GALNTL6: variants seen among roughly 807,000 people sequenced by gnomAD.
GALNTL6 encodes the protein polypeptide N-acetylgalactosaminyltransferase-like 6.
In GALNTL6, 46 loss-of-function variants were observed where a neutral mutation model predicts 73.7. The ratio of observed to expected loss-of-function variants is 0.62; its 90% CI spans 0.49 to 0.80. The LOEUF is 0.80. GALNTL6 is among the 30% of genes least tolerant of loss of function. The pLI is 0.00. For missense variants in GALNTL6, 604 were observed against 755.0 expected (o/e 0.80, Z 2.34); for synonymous variants, 259 against 263.7 (o/e 0.98, Z 0.17).
At chr4:171,849,731 C>A (rs1360479971) in intron 2 of GALNTL6, among the ~76,000 whole-genome samples, 2 of 151,872 alleles carry the variant, frequency 1.3e-5, no homozygotes, top group African/African-American at 4.8e-5. Context: ...TTTATTTTTT[C>A]TCGTAAAGGA....
intron 2 of GALNTL6, among the ~76,000 whole-genome samples, chr4:172,097,612 G>A (rs1379788177): frequency 6.6e-6 from 1 of 152,084 alleles, no homozygotes; most frequent in Non-Finnish European, 1.5e-5. Context: ...TTAGAACCAT[G>A]AAAATTAAAG....
intron 5 of GALNTL6, among the ~76,000 whole-genome samples, chr4:172,631,655 G>A (rs774763985): frequency 1.3e-5 from 2 of 152,068 alleles, no homozygotes; most frequent in Non-Finnish European, 1.5e-5. Flanking sequence ...TATTATTCTT[G>A]TAAAACTCAT....
At chr4:172,340,479 T>C (rs333414) in intron 4 of GALNTL6, among the ~76,000 whole-genome samples, 24,920 of 152,126 alleles carry the variant, frequency 0.16, 2,133 homozygotes, top group East Asian at 0.36. Context: ...TTTGCCCATC[T>C]TTGACATCAG....
chr4:172,402,140 C>T (rs1162913710), intron 5 of GALNTL6, among the ~76,000 whole-genome samples: 1 of 152,074 alleles, frequency 6.6e-6, no homozygotes, highest in Non-Finnish European at 1.5e-5. Flanking sequence ...TATTTCATTT[C>T]AGGCCTTAGG....
At chr4:172,486,411 G>A (rs1733668752) in intron 5 of GALNTL6, among the ~76,000 whole-genome samples, 1 of 152,150 alleles carries the variant, frequency 6.6e-6, no homozygotes, top group African/African-American at 2.4e-5. Context: ...GCTGAAATAT[G>A]TTTGGGTATA....
intron 2 of GALNTL6, among the ~76,000 whole-genome samples, chr4:171,972,892 A>T (rs1452545770): frequency 6.6e-6 from 1 of 152,192 alleles, no homozygotes; most frequent in Non-Finnish European, 1.5e-5. Flanking sequence ...ATTTATCTGA[A>T]TTACTAAATA....
intron 5 of GALNTL6, among the ~76,000 whole-genome samples, chr4:172,760,543 C>T (rs996651617): frequency 5.3e-5 from 8 of 152,196 alleles, no homozygotes; most frequent in Admixed American, 4.6e-4. Context: ...TTCTGCTAAG[C>T]AGAGTTGTTT....
chr4:172,807,816 GTTTGTT>G (rs547191021), intron 5 of GALNTL6, among the ~76,000 whole-genome samples: 1 of 152,178 alleles, frequency 6.6e-6, no homozygotes, highest in East Asian at 1.9e-4. Flanking sequence ...GTATTTGTTT[GTTTGTT>G]TTTGTTTTTG....
At chr4:171,960,878 C>T (rs1183393031) in intron 2 of GALNTL6, among the ~76,000 whole-genome samples, 4 of 151,742 alleles carry the variant, frequency 2.6e-5, no homozygotes, top group African/African-American at 9.7e-5. Flanking sequence ...TAGTCTCTTT[C>T]ATTGTCACTA....
At chr4:172,556,203 A>G (rs1736136185) in intron 5 of GALNTL6, among the ~76,000 whole-genome samples, 1 of 152,096 alleles carries the variant, frequency 6.6e-6, no homozygotes, top group Admixed American at 6.6e-5. Context: ...AGTAGACCTG[A>G]GTACAAAATA....
intron 10 of GALNTL6, among the ~76,000 whole-genome samples, chr4:172,970,086 G>A (rs1270700946): frequency 6.6e-6 from 1 of 152,096 alleles, no homozygotes; most frequent in Non-Finnish European, 1.5e-5. Flanking sequence ...CAGGGAGTAG[G>A]TCACAAAGAT....
chr4:172,588,135 T>G (rs1206889018), intron 5 of GALNTL6, among the ~76,000 whole-genome samples: 1 of 152,158 alleles, frequency 6.6e-6, no homozygotes, highest in Non-Finnish European at 1.5e-5. Flanking sequence ...GTTTTAAAGC[T>G]TCCCAGCACA....
intron 2 of GALNTL6, among the ~76,000 whole-genome samples, chr4:171,991,036 C>A (rs541560356): frequency 6.6e-6 from 1 of 152,092 alleles, no homozygotes; most frequent in Non-Finnish European, 1.5e-5. Context: ...AAGTTCTCAT[C>A]TACACTCATG....
intron 2 of GALNTL6, among the ~76,000 whole-genome samples, chr4:172,221,801 A>G (rs141810052): frequency 7.2e-5 from 11 of 151,938 alleles, no homozygotes; most frequent in African/African-American, 2.4e-4. Flanking sequence ...ACTATCCTAC[A>G]TCATATGCTT....
chr4:172,339,163 T>C (rs1401768013), intron 4 of GALNTL6, among the ~76,000 whole-genome samples: 1 of 151,962 alleles, frequency 6.6e-6, no homozygotes, highest in Non-Finnish European at 1.5e-5. Flanking sequence ...TCTCTGAATG[T>C]CTGGAGATAT....
chr4:171,821,594 G>A (rs1734685713), intron 2 of GALNTL6, among the ~76,000 whole-genome samples: 1 of 150,632 alleles, frequency 6.6e-6, no homozygotes, highest in Admixed American at 6.6e-5. Flanking sequence ...GTTATAATGA[G>A]GATTAAACGC....
intron 2 of GALNTL6, among the ~76,000 whole-genome samples, chr4:172,188,999 T>C (rs1735493928): frequency 6.6e-6 from 1 of 152,234 alleles, no homozygotes; most frequent in South Asian, 2.1e-4. Context: ...TACATGCACA[T>C]ATTCCAGTTA....
At chr4:172,689,284 A>G (rs1031637759) in intron 5 of GALNTL6, among the ~76,000 whole-genome samples, 1 of 152,176 alleles carries the variant, frequency 6.6e-6, no homozygotes, top group African/African-American at 2.4e-5. Context: ...GTAGAATTGG[A>G]TACGGAGTTA....
chr4:172,289,330 T>C (rs1739378297), intron 3 of GALNTL6, among the ~76,000 whole-genome samples: 1 of 152,222 alleles, frequency 6.6e-6, no homozygotes, highest in Non-Finnish European at 1.5e-5. Flanking sequence ...GTGTCCTAAC[T>C]ACAGTCCAAG....
Sources: gnomAD v4.1 joint callset for allele counts (sites outside exome capture counted in the v4.1 genomes callset) on GRCh38, gnomAD v4.1.1 for gene constraint, MANE v1.5 for transcripts, NCBI Gene and HGNC (gene_info 2026-07-23, HGNC 2026-07-21) for gene names.